The following LAMB4 variants were observed in gnomAD, a reference collection of about 807,000 sequenced individuals.
The protein encoded by LAMB4 is laminin subunit beta-4.
Under a neutral mutation model 199.2 loss-of-function variants are expected in LAMB4, and 196 were observed. The ratio of observed to expected loss-of-function variants is 0.98; its 90% confidence interval spans 0.88 to 1.11. The LOEUF (loss-of-function observed/expected upper bound fraction) is 1.11, where lower values mean the gene tolerates loss of function less well. Ranked by LOEUF, LAMB4 falls within the 50% of genes least tolerant of loss-of-function variation. The pLI is 0.00. For missense variants in LAMB4, 2,080 were observed against 2,171.2 expected, an observed-to-expected ratio of 0.96 and a Z score of 0.83; for synonymous variants, 744 against 770.6, an observed-to-expected ratio of 0.97 and a Z score of 0.57.
intron 23 of LAMB4, chr7:108,062,497 G>A (rs540770229): frequency 4.0e-6 from 1 of 249,594 alleles, no homozygotes; most frequent in South Asian, 1.7e-4. Flanking sequence ...AATAGTGAAA[G>A]GTGAGGCTGA....
chr7:108,105,203 A>C (rs955617772), intron 8 of LAMB4, among the ~76,000 whole-genome samples: 1 of 152,232 alleles, frequency 6.6e-6, no homozygotes, highest in African/African-American at 2.4e-5. Context: ...GGGGCTCTGC[A>C]TAAAACTACA....
intron 26 of LAMB4, among the ~76,000 whole-genome samples, chr7:108,049,927 T>C (rs1013082455): frequency 6.6e-6 from 1 of 152,244 alleles, no homozygotes; most frequent in African/African-American, 2.4e-5. Flanking sequence ...AGATATTAAC[T>C]ATGAATACCT....
chr7:108,094,352 A>G (rs1477091038), intron 12 of LAMB4, among the ~76,000 whole-genome samples: 1 of 152,038 alleles, frequency 6.6e-6, no homozygotes, highest in African/African-American at 2.4e-5. Flanking sequence ...CTTTCTCTTT[A>G]AGGTACAATT....
rs1290663239 is a variant in LAMB4, at chr7:108,062,808, T to TCA, written c.3246_3247dup (p.Asp1083ValfsTer22). ...GTGGCTACTTTGAGAGGTCCTAGGGTCACAGTCACATGACTGACATCCTCT... is the reference window on the plus strand; with the variant it reads ...GTGGCTACTTTGAGAGGTCCTAGGGTCACACAGTCACATGACTGACATCCTCT... On this transcript the variant is annotated frameshift_variant, in exon 23 of 34. Coordinates refer to ENST00000388781, the MANE Select transcript of LAMB4 (RefSeq NM_007356.3). LOFTEE classifies it high-confidence loss of function. 1 of 1,516,950 alleles carries TCA rather than the reference T, an allele frequency of 6.6e-7. No individual in the cohort carries two copies. The highest frequency in any genetic ancestry group is 2.4e-5 in the East Asian group (1 of 41,100). 94.0% of individuals were successfully genotyped at this position (1,516,950 alleles called of 1,614,324 possible).
chr7:108,030,692 A>T, intron 32 of LAMB4, 114 bp downstream of exon 32: 1 of 972,972 alleles, frequency 1.0e-6, no homozygotes, highest in Non-Finnish European at 1.6e-6. Context: ...CCATTGAGTC[A>T]TGGACCAGCA....
At chr7:108,050,021 A>T (rs563173845) in intron 26 of LAMB4, among the ~76,000 whole-genome samples, 1 of 152,346 alleles carries the variant, frequency 6.6e-6, no homozygotes, top group Non-Finnish European at 1.5e-5. Context: ...CAAAGGCCAA[A>T]TAATTAACGT....
intron 11 of LAMB4, among the ~76,000 whole-genome samples, chr7:108,096,334 T>A (rs551110633): frequency 1.3e-5 from 2 of 152,104 alleles, no homozygotes; most frequent in Admixed American, 1.3e-4. Flanking sequence ...TGTGTCAGAA[T>A]TTTTTTCCTT....
At chr7:108,012,563 T>C in the LAMB4 span, among the ~76,000 whole-genome samples, 2 of 152,258 alleles carry the variant, frequency 1.3e-5, no homozygotes, top group Admixed American at 6.5e-5. Flanking sequence ...TAAAGGTCTA[T>C]AGAATTAAAA....
chr7:108,065,048 G>A (rs931288977), intron 21 of LAMB4, among the ~76,000 whole-genome samples: 10 of 151,998 alleles, frequency 6.6e-5, no homozygotes, highest in African/African-American at 2.4e-4. Flanking sequence ...TAGGGCTACA[G>A]GTGCAATCCA....
intron 18 of LAMB4, among the ~76,000 whole-genome samples, chr7:108,069,464 T>A (rs905238875): frequency 1.6e-4 from 24 of 152,190 alleles, no homozygotes; most frequent in African/African-American, 5.6e-4. Flanking sequence ...TCCAAATGAA[T>A]ATTTTAGGAT....
chr7:108,100,054 G>T (rs1319105089), intron 10 of LAMB4, among the ~76,000 whole-genome samples: 2 of 152,154 alleles, frequency 1.3e-5, no homozygotes, highest in Non-Finnish European at 2.9e-5. Context: ...ATTTCTTTGG[G>T]AGACACTCCA....
rs748253722 is a variant in LAMB4 at position 108,103,100 on chromosome 7, C to T, written c.1124G>A (p.Arg375Lys). Reference protein sequence around the residue: ...NTEGQHCDRCRPLFYRDPLKT... With the variant: ...NTEGQHCDRCKPLFYRDPLKT... ...GAGCGGGTCCCTGTAGAAGAGGGGT[C>T]TGCAGCGGTCGCAGTGCTGCCCCTC... The change falls in exon 10 of 34, where the codon AGA (arginine) becomes AAA (lysine). Residue 375 changes from arginine (R) to lysine (K), a missense_variant. Transcript: ENST00000388781. 1 of 1,613,742 alleles carries T rather than the reference C, an allele frequency of 6.2e-7. No homozygotes were observed. Among genetic ancestry groups the T allele is most frequent in the Admixed American group, 1.7e-5 (1 of 60,014 alleles).
rs766101672 is a variant in LAMB4 at position 108,103,053 on chromosome 7, C to G, written c.1171G>C (p.Ala391Pro). Residue 391 changes from alanine (A) to proline (P), a missense_variant, in exon 10 of 34, where the codon GCG becomes CCG. Ala to Pro is a conservative substitution (Grantham distance 27). Coordinates refer to ENST00000388781, the MANE Select transcript of LAMB4 (RefSeq NM_007356.3). ...AGACCCGGGGACTCACGAATGCACG[C>G]GTAGGGATCTGAGATGGTCTTGAGC... is the stretch of plus-strand genomic sequence containing the variant. ...DPLKTISDPY[A>P]CIPCECDPDG... 1 of 1,590,068 alleles carries G rather than the reference C, an allele frequency of 6.3e-7. No homozygotes were observed. The highest frequency in any genetic ancestry group is 1.7e-5 in the Admixed American group (1 of 59,168).
chr7:108,065,908 C>A lies in LAMB4; in HGVS notation c.2690G>T (p.Gly897Val), dbSNP rs761675806. 6.2e-7 allele frequency: 1 copy of A among 1,613,530 alleles called. No homozygotes were observed. The highest frequency in any genetic ancestry group is 1.1e-5 in the South Asian group (1 of 90,886). ...TGRNCERCID[G>V]YYGNPSSGQP... ...TCCTGAAGAAGGATTTCCATAGTAA[C>A]CATCAATACACCTGTCAAGACAATT... is the stretch of plus-strand genomic sequence containing the variant. Residue 897 changes from glycine (G) to valine (V), a missense_variant, in exon 21 of 34, where the codon GGT becomes GTT. Coordinates refer to ENST00000388781, the MANE Select transcript of LAMB4 (RefSeq NM_007356.3).
chr7:108,104,432 G>A lies in LAMB4; in HGVS notation c.991+67C>T, dbSNP rs1481152317. On this transcript the variant is annotated intron_variant, in intron 9 of 33. Coordinates refer to ENST00000388781, the MANE Select transcript of LAMB4 (RefSeq NM_007356.3). ...TGCCTGCAGCCCCACAGAAGTGAACGAAGTGTTTCTTAAATAAGGAAATGC... is the reference window on the plus strand; with the variant it reads ...TGCCTGCAGCCCCACAGAAGTGAACAAAGTGTTTCTTAAATAAGGAAATGC... 11 of 1,586,564 alleles carry A rather than the reference G, an allele frequency of 6.9e-6. No individual in the cohort carries two copies. In the Admixed American group the frequency reaches 8.5e-5, roughly 12 times the overall value.
At chr7:108,081,632 GA>G (rs2036946215) in intron 14 of LAMB4, among the ~76,000 whole-genome samples, 1 of 150,018 alleles carries the variant, frequency 6.7e-6, no homozygotes, top group African/African-American at 2.5e-5. Context: ...TCTGGAGGTA[GA>G]TAATTTACTG....
intron 14 of LAMB4, among the ~76,000 whole-genome samples, chr7:108,080,293 A>G (rs1402712957): frequency 3.3e-5 from 5 of 152,174 alleles, no homozygotes; most frequent in Non-Finnish European, 5.9e-5. Context: ...AACTCCTAAC[A>G]TGATTAATTA....
chr7:108,034,067 T>C (rs1057019112), intron 31 of LAMB4, 141 bp downstream of exon 31: 70 of 842,396 alleles, frequency 8.3e-5, no homozygotes, highest in Admixed American at 1.5e-4. Flanking sequence ...AATACATGCA[T>C]AATACTACCC....
intron 8 of LAMB4, 56 bp from the exon 9 acceptor site, chr7:108,104,675 G>C (rs751596974): frequency 1.9e-6 from 3 of 1,582,738 alleles, no homozygotes; most frequent in Admixed American, 1.8e-5. Flanking sequence ...GGGACGTTGG[G>C]GTTCTTTAAA....
Sources: gnomAD v4.1 joint callset for allele counts (sites outside exome capture counted in the v4.1 genomes callset) on GRCh38, gnomAD v4.1.1 for gene constraint, MANE v1.5 for transcripts, NCBI Gene and HGNC (gene_info 2026-07-23, HGNC 2026-07-21) for gene names.